WDR72: variants seen among roughly 807,000 people sequenced by gnomAD.
The protein encoded by WDR72 is WD repeat-containing protein 72.
Under a neutral mutation model 124.2 loss-of-function variants are expected in WDR72, and 120 were observed. That is an observed-to-expected ratio of 0.97 (90% confidence interval 0.83 to 1.12). The LOEUF (loss-of-function observed/expected upper bound fraction) is 1.12. Ranked by LOEUF, WDR72 falls within the 50% of genes most tolerant of loss-of-function variation. The pLI is 0.00. For missense variants in WDR72, 1,387 were observed against 1,278.8 expected, an observed-to-expected ratio of 1.08 and a Z score of -1.29; for synonymous variants, 452 against 441.7, an observed-to-expected ratio of 1.02 and a Z score of -0.29.
chr15:53,599,222 T>C (rs192766254), intron 17 of WDR72, among the ~76,000 whole-genome samples: 39 of 152,238 alleles, frequency 2.6e-4, no homozygotes, highest in East Asian at 3.9e-4. Flanking sequence ...ACCATGCTGA[T>C]TTATGTATCT....
chr15:53,724,124 C>G (rs1390852706), intron 2 of WDR72, among the ~76,000 whole-genome samples: 1 of 152,102 alleles, frequency 6.6e-6, no homozygotes, highest in Non-Finnish European at 1.5e-5. Context: ...CTCATAGAAA[C>G]AGAATTAGTG....
At chr15:53,762,469 C>T (rs145590909), upstream of WDR72, among the ~76,000 whole-genome samples, 1 of 152,190 alleles carries the variant, frequency 6.6e-6, no homozygotes, top group Admixed American at 6.5e-5. Context: ...ACACCAAGCA[C>T]GTAGGAGATA....
chr15:53,740,340 C>G lies in WDR72; in HGVS notation c.-12-7179G>C, dbSNP rs2018475185. Among the ~76,000 whole-genome samples, 3 of 146,128 alleles carry G rather than the reference C, an allele frequency of 2.1e-5. No individual in the cohort carries two copies. In the South Asian group the frequency reaches 6.4e-4, roughly 31 times the overall value. On this transcript the variant is annotated intron_variant, in intron 1 of 19. Transcript: ENST00000360509. ...TTTTTTTTTTTGAGACGGAGTCTCT[C>G]TCTGTCGCCCAGGCTGGAGTGCAGT...
At chr15:53,651,572 A>G (rs1216718726) in intron 14 of WDR72, among the ~76,000 whole-genome samples, 1 of 152,226 alleles carries the variant, frequency 6.6e-6, no homozygotes, top group African/African-American at 2.4e-5. Flanking sequence ...CTTTGTTTTC[A>G]AGGAGCTTTA....
chr15:53,526,609 TG>T (rs1207488950), intron 18 of WDR72, among the ~76,000 whole-genome samples: 2 of 152,100 alleles, frequency 1.3e-5, no homozygotes, highest in Non-Finnish European at 2.9e-5. Flanking sequence ...TTACTCATGG[TG>T]GGCCCATTTA....
chr15:53,578,417 C>T (rs1193764640), intron 18 of WDR72, among the ~76,000 whole-genome samples: 1 of 152,092 alleles, frequency 6.6e-6, no homozygotes, highest in Non-Finnish European at 1.5e-5. Context: ...TCCACGGCTG[C>T]CCTTCTCATT....
At chr15:53,545,508 C>A (rs949754915) in intron 18 of WDR72, among the ~76,000 whole-genome samples, 2 of 151,134 alleles carry the variant, frequency 1.3e-5, no homozygotes, top group African/African-American at 4.9e-5. Context: ...ATACAAAAAT[C>A]AATTCAAGAT....
intron 7 of WDR72, 123 bp from the exon 8 acceptor site, chr15:53,711,604 C>T: frequency 9.8e-7 from 1 of 1,017,024 alleles, no homozygotes; most frequent in Non-Finnish European, 1.5e-6. Flanking sequence ...CCATACTGTA[C>T]TCTCATATTA....
At chr15:53,556,867 CTAA>C (rs1893952584) in intron 18 of WDR72, among the ~76,000 whole-genome samples, 1 of 152,026 alleles carries the variant, frequency 6.6e-6, no homozygotes, top group African/African-American at 2.4e-5. Flanking sequence ...TACACACTCA[CTAA>C]TGTTATATAA....
rs765247238 is a variant in WDR72 at position 53,683,410 on chromosome 15, C to A, written c.1765+16340G>T. 1.1e-4 allele frequency among the ~76,000 whole-genome samples: 16 copies of A among 152,114 alleles called. 1 individual carries two copies. Among genetic ancestry groups the A allele is most frequent in the Non-Finnish European group, 2.2e-4 (15 of 68,000 alleles). ...GAAACCCCAAATACCCTAACCTGAT[C>A]ATTACATATACTGGCATATAAGAAA... On this transcript the variant is annotated intron_variant, in intron 13 of 19. Coordinates refer to ENST00000360509, the MANE Select transcript of WDR72 (RefSeq NM_182758.4).
chr15:53,525,212 G>A (rs1892047832), intron 18 of WDR72, among the ~76,000 whole-genome samples: 1 of 151,994 alleles, frequency 6.6e-6, no homozygotes, highest in African/African-American at 2.4e-5. Flanking sequence ...AAATGTATCA[G>A]TTTCATTCAG....
intron 2 of WDR72, among the ~76,000 whole-genome samples, chr15:53,728,120 A>AT (rs1242962738): frequency 2.7e-4 from 41 of 152,214 alleles, no homozygotes; most frequent in Non-Finnish European, 1.2e-4. Flanking sequence ...AAGAAGTTTA[A>AT]TGGACTTACA....
chr15:53,649,389 A>G (rs1238869314), intron 14 of WDR72, among the ~76,000 whole-genome samples: 1 of 152,130 alleles, frequency 6.6e-6, no homozygotes, highest in Non-Finnish European at 1.5e-5. Context: ...TATGCAAAAT[A>G]TTTTTTCTGG....
chr15:53,634,668 AATAT>A (rs1215930686), intron 14 of WDR72, among the ~76,000 whole-genome samples: 1 of 152,192 alleles, frequency 6.6e-6, no homozygotes, highest in African/African-American at 2.4e-5. Flanking sequence ...TCCTTTAGAC[AATAT>A]TTAACCTACT....
At chr15:53,549,450 C>G (rs1274626613) in intron 18 of WDR72, among the ~76,000 whole-genome samples, 1 of 152,256 alleles carries the variant, frequency 6.6e-6, no homozygotes, top group East Asian at 1.9e-4. Flanking sequence ...TTTTAATCCT[C>G]AAAACGACCC....
At chr15:53,642,615 CT>C (rs2014895564) in intron 14 of WDR72, among the ~76,000 whole-genome samples, 1 of 151,916 alleles carries the variant, frequency 6.6e-6, no homozygotes, top group African/African-American at 2.4e-5. Flanking sequence ...AAAATTCAGC[CT>C]TAATCCATTA....
intron 18 of WDR72, among the ~76,000 whole-genome samples, chr15:53,561,234 C>A (rs1347229465): frequency 6.6e-6 from 1 of 151,752 alleles, no homozygotes; most frequent in South Asian, 2.1e-4. Context: ...AAATGCACTA[C>A]TAAGACCTAG....
chr15:53,517,627 C>T lies in WDR72; in HGVS notation c.*72G>A, dbSNP rs2140194432. 1 of 1,478,560 alleles carries T rather than the reference C, an allele frequency of 6.8e-7. No individual in the cohort carries two copies. The highest frequency in any genetic ancestry group is 1.1e-5 in the South Asian group (1 of 88,350). 91.6% of individuals were successfully genotyped at this position (1,478,560 alleles called of 1,614,324 possible). A position where few individuals can be genotyped will look rare whatever the true frequency, so the allele number is the denominator to read the frequency against. Reference sequence around the variant, plus strand: ...GACCAATAACAACAATGCTTTTATACAGTAATAAACAAATGGCATCTTTTG... The same window carrying T: ...GACCAATAACAACAATGCTTTTATATAGTAATAAACAAATGGCATCTTTTG... On this transcript the variant is annotated 3_prime_UTR_variant, in exon 20 of 20. Transcript: ENST00000360509.
intron 13 of WDR72, among the ~76,000 whole-genome samples, chr15:53,689,527 C>T (rs2016765086): frequency 6.7e-6 from 1 of 148,732 alleles, no homozygotes; most frequent in Non-Finnish European, 1.5e-5. Flanking sequence ...TACCATCTCA[C>T]ACCAGTTAGA....
Sources: gnomAD v4.1 joint callset for allele counts (sites outside exome capture counted in the v4.1 genomes callset) on GRCh38, gnomAD v4.1.1 for gene constraint, MANE v1.5 for transcripts, NCBI Gene and HGNC (gene_info 2026-07-23, HGNC 2026-07-21) for gene names.